Variants in GRID2 observed in about 807,000 individuals in gnomAD.
The protein encoded by GRID2 is glutamate receptor ionotropic, delta-2.
A neutral mutation model predicts 114.8 loss-of-function variants in GRID2; 33 were observed. That is an observed-to-expected ratio of 0.29 (90% CI 0.22 to 0.38). The LOEUF (loss-of-function observed/expected upper bound fraction) is 0.38. Ranked by LOEUF, GRID2 falls within the 10% of genes least tolerant of loss-of-function variation. The pLI, the probability that GRID2 is intolerant of heterozygous loss-of-function variation, is 1.00. For synonymous variants in GRID2, 505 were observed against 449.9 expected, an observed-to-expected ratio of 1.12 and a Z score of -1.55; for missense variants, 1,184 against 1,257.7, an observed-to-expected ratio of 0.94 and a Z score of 0.89.
chr4:93,622,819 A>G (rs1206554577), intron 13 of GRID2, among the ~76,000 whole-genome samples: 2 of 152,204 alleles, frequency 1.3e-5, no homozygotes, highest in Admixed American at 1.3e-4. Context: ...AAATTTATTA[A>G]AAGGCAACAA....
intron 2 of GRID2, among the ~76,000 whole-genome samples, chr4:92,901,058 A>G (rs1246386937): frequency 6.6e-6 from 1 of 152,082 alleles, no homozygotes; most frequent in East Asian, 1.9e-4. Flanking sequence ...TATATTTTAT[A>G]CAATAATTTT....
At chr4:92,891,107 C>T (rs1326573550) in intron 2 of GRID2, among the ~76,000 whole-genome samples, 1 of 151,916 alleles carries the variant, frequency 6.6e-6, no homozygotes, top group Non-Finnish European at 1.5e-5. Flanking sequence ...ACACCAGGGG[C>T]CTGTTGGGGA....
At chr4:92,589,077 GC>G (rs1728591154) in intron 1 of GRID2, among the ~76,000 whole-genome samples, 1 of 152,166 alleles carries the variant, frequency 6.6e-6, no homozygotes, top group Non-Finnish European at 1.5e-5. Context: ...TTGCACTCTA[GC>G]CTAGGCGACA....
At chr4:92,924,699 C>T (rs1749670824) in intron 2 of GRID2, among the ~76,000 whole-genome samples, 1 of 152,096 alleles carries the variant, frequency 6.6e-6, no homozygotes, top group African/African-American at 2.4e-5. Context: ...ACAACATATG[C>T]CATGTCTCTA....
chr4:93,457,225 T>C (rs916960655), intron 11 of GRID2, among the ~76,000 whole-genome samples: 3 of 152,148 alleles, frequency 2.0e-5, no homozygotes, highest in Admixed American at 2.0e-4. Context: ...AAGCACTTAA[T>C]ATATGTTAAT....
chr4:92,340,170 A>G (rs1308146287), intron 1 of GRID2, among the ~76,000 whole-genome samples: 1 of 152,148 alleles, frequency 6.6e-6, no homozygotes, highest in African/African-American at 2.4e-5. Flanking sequence ...CTAGTTTAAA[A>G]GTGGTATCTC....
intron 2 of GRID2, among the ~76,000 whole-genome samples, chr4:92,680,982 TA>T (rs1418421061): frequency 6.6e-6 from 1 of 152,046 alleles, no homozygotes; most frequent in Non-Finnish European, 1.5e-5. Flanking sequence ...AAAAGAAGAT[TA>T]AAGTAATTTT....
intron 1 of GRID2, among the ~76,000 whole-genome samples, chr4:92,519,996 A>C (rs181610724): frequency 6.6e-6 from 1 of 152,034 alleles, no homozygotes; most frequent in African/African-American, 2.4e-5. Context: ...TTCCCAGAAT[A>C]GTGTTTAACC....
At chr4:92,638,662 A>T (rs1731191382) in intron 2 of GRID2, among the ~76,000 whole-genome samples, 1 of 150,230 alleles carries the variant, frequency 6.7e-6, no homozygotes, top group African/African-American at 2.4e-5. Flanking sequence ...AATACAAATT[A>T]ATTGAAATAT....
intron 2 of GRID2, among the ~76,000 whole-genome samples, chr4:93,081,097 C>T (rs1365535999): frequency 6.7e-6 from 1 of 149,888 alleles, no homozygotes; most frequent in Non-Finnish European, 1.5e-5. Context: ...AATATTTCAA[C>T]TTTGGGGGAC....
At chr4:93,204,401 G>C (rs918096474) in intron 4 of GRID2, among the ~76,000 whole-genome samples, 3 of 152,120 alleles carry the variant, frequency 2.0e-5, no homozygotes, top group Admixed American at 1.3e-4. Flanking sequence ...AGAACATGAA[G>C]ATAGATGATT....
At chr4:93,043,336 A>T (rs550754449) in intron 2 of GRID2, among the ~76,000 whole-genome samples, 1 of 152,312 alleles carries the variant, frequency 6.6e-6, no homozygotes, top group South Asian at 2.1e-4. Flanking sequence ...AGTAAAAGAG[A>T]TAATCCTTGC....
intron 2 of GRID2, among the ~76,000 whole-genome samples, chr4:92,636,350 A>G (rs1019539020): frequency 2.0e-5 from 3 of 152,044 alleles, no homozygotes; most frequent in Non-Finnish European, 4.4e-5. Flanking sequence ...TGTGTGCATT[A>G]TCACCAAGTT....
chr4:92,678,503 T>C (rs1372369811), intron 2 of GRID2, among the ~76,000 whole-genome samples: 1 of 152,050 alleles, frequency 6.6e-6, no homozygotes, highest in Non-Finnish European at 1.5e-5. Flanking sequence ...AGTAATTCAA[T>C]ACGTTAGTCA....
chr4:92,438,039 A>G (rs1732823452), intron 1 of GRID2, among the ~76,000 whole-genome samples: 1 of 152,206 alleles, frequency 6.6e-6, no homozygotes, highest in South Asian at 2.1e-4. Context: ...GTGTGCCACA[A>G]TAAATAATCT....
At chr4:93,725,132 C>G (rs1264197313) in intron 14 of GRID2, among the ~76,000 whole-genome samples, 1 of 152,062 alleles carries the variant, frequency 6.6e-6, no homozygotes, top group Non-Finnish European at 1.5e-5. Context: ...ATCACTCACC[C>G]CTCCCCCCAC....
chr4:93,582,310 G>A (rs997100167), intron 13 of GRID2, among the ~76,000 whole-genome samples: 3 of 152,032 alleles, frequency 2.0e-5, no homozygotes, highest in Admixed American at 1.3e-4. Context: ...TCTCTTAAAA[G>A]GACCCTTGTC....
chr4:93,207,445 C>T lies in GRID2; in HGVS notation c.777C>T (p.Ile259=). The change falls in exon 5 of 16, where the codon ATC becomes ATT. Residue 259 remains isoleucine (I), a synonymous_variant. Coordinates refer to ENST00000282020, the MANE Select transcript of GRID2 (RefSeq NM_001510.4). The part of the protein sequence containing the change: ...TNLVAFDCHW[I]IINEEINDVD... ...TGGTTGCTTTTGACTGTCACTGGAT[C>T]ATTATAAATGAGGTAAAGCCAACTA... 6.3e-7 allele frequency: 1 copy of T among 1,591,770 alleles called. No homozygotes were observed. Among genetic ancestry groups the T allele is most frequent in the South Asian group, 1.1e-5 (1 of 90,576 alleles).
intron 4 of GRID2, among the ~76,000 whole-genome samples, chr4:93,205,299 A>G (rs968723849): frequency 5.3e-5 from 8 of 152,162 alleles, no homozygotes; most frequent in African/African-American, 1.9e-4. Flanking sequence ...AGTGGAGTAT[A>G]CATATATTTC....
Sources: gnomAD v4.1 joint callset for allele counts (sites outside exome capture counted in the v4.1 genomes callset) on GRCh38, gnomAD v4.1.1 for gene constraint, MANE v1.5 for transcripts, NCBI Gene and HGNC (gene_info 2026-07-23, HGNC 2026-07-21) for gene names.